Variants in COX10 observed in about 807,000 individuals in gnomAD.
COX10 encodes cytochrome c oxidase assembly factor heme A:farnesyltransferase COX10, also known as protoheme IX farnesyltransferase, mitochondrial.
Under a neutral mutation model 37.3 loss-of-function variants are expected in COX10, and 27 were observed. The observed-to-expected ratio is 0.72, with a 90% CI of 0.53 to 1.00. COX10 has a LOEUF of 1.00. Among genes scored for constraint, COX10 ranks in the 50% least tolerant of loss-of-function variants. The pLI is 0.00. For synonymous variants in COX10, 222 were observed against 229.1 expected (o/e 0.97, Z 0.28); for missense variants, 475 against 563.2 (o/e 0.84, Z 1.59).
At chr17:14,125,269 T>C (rs932775789) in intron 4 of COX10, among the ~76,000 whole-genome samples, 3 of 152,166 alleles carry the variant, frequency 2.0e-5, no homozygotes, top group African/African-American at 2.4e-5. Flanking sequence ...AGCATGCCTG[T>C]TTTGCACAAC....
At chr17:14,073,044 T>C (rs1312987850) in intron 1 of COX10, among the ~76,000 whole-genome samples, 1 of 152,168 alleles carries the variant, frequency 6.6e-6, no homozygotes, top group African/African-American at 2.4e-5. Context: ...GATGAACAAA[T>C]TGTGAAACGT....
intron 4 of COX10, among the ~76,000 whole-genome samples, chr17:14,136,284 A>G (rs1904363214): frequency 6.6e-6 from 1 of 152,068 alleles, no homozygotes; most frequent in Non-Finnish European, 1.5e-5. Context: ...TCATTAATCT[A>G]GAAAATTCAT....
At chr17:14,082,423 G>GT (rs1263838358) in intron 3 of COX10, among the ~76,000 whole-genome samples, 3 of 152,162 alleles carry the variant, frequency 2.0e-5, no homozygotes. Context: ...TGTCTTCTTA[G>GT]ACTCTTAAAT....
intron 3 of COX10, among the ~76,000 whole-genome samples, chr17:14,092,879 C>T (rs1331348867): frequency 6.6e-6 from 1 of 152,188 alleles, no homozygotes; most frequent in Non-Finnish European, 1.5e-5. Context: ...CTAACAAAAG[C>T]TTAACTCCTT....
rs553515774 is a variant in COX10, at chr17:14,107,145, T to A, written c.624+4903T>A. ...CCACTTGTGACAGCTGAAAAGTGTC[T>A]TCAGACATCACCAAATGGTCCCTGG... On this transcript the variant is annotated intron_variant, in intron 4 of 6. Coordinates refer to ENST00000261643, the MANE Select transcript of COX10 (RefSeq NM_001303.4). 4.9e-3 allele frequency among the ~76,000 whole-genome samples: 749 copies of A among 152,132 alleles called. 5 individuals are homozygous for A. Among genetic ancestry groups the A allele is most frequent in the African/African-American group, 0.017 (721 of 41,502 alleles).
chr17:14,169,019 A>G (rs183260871), intron 5 of COX10, among the ~76,000 whole-genome samples: 12 of 152,268 alleles, frequency 7.9e-5, no homozygotes, highest in African/African-American at 2.9e-4. Flanking sequence ...CGAACTTTTA[A>G]GTTCTGCCTC....
chr17:14,111,473 C>G (rs1463368213), intron 4 of COX10, among the ~76,000 whole-genome samples: 1 of 152,088 alleles, frequency 6.6e-6, no homozygotes, highest in Admixed American at 6.6e-5. Flanking sequence ...TATCTTTATA[C>G]TTTAAAATAT....
At chr17:14,107,614 C>G (rs1461063056) in intron 4 of COX10, among the ~76,000 whole-genome samples, 1 of 151,618 alleles carries the variant, frequency 6.6e-6, no homozygotes, top group Non-Finnish European at 1.5e-5. Context: ...CTGGCCTCAG[C>G]TTTCACCCTC....
At chr17:14,142,785 G>A (rs1904586099) in intron 4 of COX10, among the ~76,000 whole-genome samples, 1 of 152,140 alleles carries the variant, frequency 6.6e-6, no homozygotes, top group African/African-American at 2.4e-5. Context: ...GGACCACATT[G>A]TTATCTTTTT....
intron 1 of COX10, 83 bp downstream of exon 1, chr17:14,069,731 A>C: frequency 6.4e-7 from 1 of 1,566,088 alleles, no homozygotes; most frequent in East Asian, 2.3e-5. Flanking sequence ...GGCTGGCTGC[A>C]ACCTTGGGGA....
intron 6 of COX10, among the ~76,000 whole-genome samples, chr17:14,196,949 A>C (rs1340863761): frequency 6.6e-6 from 1 of 152,192 alleles, no homozygotes; most frequent in Non-Finnish European, 1.5e-5. Context: ...GGCAGGTTGC[A>C]CGGAACATAT....
chr17:14,097,221 GTCAATTT>G (rs1891907756), intron 3 of COX10, among the ~76,000 whole-genome samples: 1 of 151,934 alleles, frequency 6.6e-6, no homozygotes, highest in South Asian at 2.1e-4. Flanking sequence ...AATCGCTTTG[GTCAATTT>G]TACTCGTACA....
intron 4 of COX10, among the ~76,000 whole-genome samples, chr17:14,121,304 G>T (rs115238709): frequency 5.3e-5 from 8 of 152,262 alleles, no homozygotes; most frequent in Non-Finnish European, 1.0e-4. Context: ...GCAAGGAAAA[G>T]ATAATAATAA....
At chr17:14,133,753 T>C (rs1916516309) in intron 4 of COX10, among the ~76,000 whole-genome samples, 1 of 151,646 alleles carries the variant, frequency 6.6e-6, no homozygotes, top group African/African-American at 2.4e-5. Flanking sequence ...ACTAATAATA[T>C]CTAAATTCAT....
At chr17:14,151,545 ACACACACAC>A (rs1429995514) in intron 4 of COX10, among the ~76,000 whole-genome samples, 5 of 151,028 alleles carry the variant, frequency 3.3e-5, no homozygotes, top group Non-Finnish European at 7.4e-5. Flanking sequence ...ACACACACAC[ACACACACAC>A]ACACACACAC....
At chr17:14,192,444 G>A (rs1403369827) in intron 6 of COX10, among the ~76,000 whole-genome samples, 1 of 152,144 alleles carries the variant, frequency 6.6e-6, no homozygotes, top group Non-Finnish European at 1.5e-5. Context: ...TATAGGGAAT[G>A]TCTGGGAGAA....
intron 4 of COX10, among the ~76,000 whole-genome samples, chr17:14,128,497 A>C (rs1343071955): frequency 6.6e-6 from 1 of 152,164 alleles, no homozygotes; most frequent in Non-Finnish European, 1.5e-5. Context: ...AACTATTCTC[A>C]AATATTCATT....
At chr17:14,071,194 A>G (rs774204714) in intron 1 of COX10, among the ~76,000 whole-genome samples, 5 of 152,168 alleles carry the variant, frequency 3.3e-5, no homozygotes, top group Non-Finnish European at 7.3e-5. Flanking sequence ...TCCAGCATGC[A>G]TCCTTCAGAT....
At chr17:14,138,972 C>A (rs1026048044) in intron 4 of COX10, among the ~76,000 whole-genome samples, 1 of 152,110 alleles carries the variant, frequency 6.6e-6, no homozygotes, top group Non-Finnish European at 1.5e-5. Flanking sequence ...CCAAGCAGTA[C>A]GACCTCGATC....
Sources: gnomAD v4.1 joint callset for allele counts (sites outside exome capture counted in the v4.1 genomes callset) on GRCh38, gnomAD v4.1.1 for gene constraint, MANE v1.5 for transcripts, NCBI Gene and HGNC (gene_info 2026-07-23, HGNC 2026-07-21) for gene names.